The following PANK1 variants were observed in gnomAD, a reference collection of about 807,000 sequenced individuals.
PANK1 encodes the protein pantothenic acid kinase 1.
Under a neutral mutation model 40.1 loss-of-function variants are expected in PANK1, and 18 were observed. That is an observed-to-expected ratio of 0.45 (90% confidence interval 0.31 to 0.67). PANK1 has a LOEUF of 0.67. Among genes scored for constraint, PANK1 ranks in the 30% least tolerant of loss-of-function variants. PANK1 has a pLI of 0.06. For missense variants in PANK1, 457 were observed against 599.6 expected (o/e 0.76, Z 2.48); for synonymous variants, 242 against 237.7 (o/e 1.02, Z -0.17).
chr10:89,589,483 C>T (rs1318028995), intron 5 of PANK1, among the ~76,000 whole-genome samples: 1 of 152,130 alleles, frequency 6.6e-6, no homozygotes, highest in Non-Finnish European at 1.5e-5. Flanking sequence ...TCCCACTCCC[C>T]GAGATATTTC....
chr10:89,593,703 T>C (rs553343589), intron 4 of PANK1, 110 bp downstream of exon 4: 89 of 775,934 alleles, frequency 1.1e-4, no homozygotes, highest in Non-Finnish European at 1.9e-4. Context: ...ATACAACAGG[T>C]ATCTGCACCA....
At chr10:89,595,830 AAAAATATATATATAT>A (rs1411922608) in intron 3 of PANK1, among the ~76,000 whole-genome samples, 13 of 66,566 alleles carry the variant, frequency 2.0e-4, no homozygotes, top group East Asian at 6.4e-4. Context: ...AAAAAAAAAA[AAAAATATATATATAT>A]ATATATATAT....
intron 1 of PANK1, among the ~76,000 whole-genome samples, chr10:89,619,219 AT>A (rs1208062961): frequency 1.3e-5 from 2 of 152,250 alleles, no homozygotes; most frequent in Non-Finnish European, 2.9e-5. Flanking sequence ...TGGCAAAAAC[AT>A]TTTAAAACTT....
At chr10:89,631,161 G>A (rs1841630462) in intron 1 of PANK1, among the ~76,000 whole-genome samples, 1 of 152,192 alleles carries the variant, frequency 6.6e-6, no homozygotes, top group South Asian at 2.1e-4. Context: ...ATTAGAATAT[G>A]TTAAATGAGA....
intron 1 of PANK1, chr10:89,613,953 T>A (rs1314555793): frequency 2.2e-6 from 1 of 456,638 alleles, no homozygotes; most frequent in South Asian, 1.5e-5. Flanking sequence ...TTAATTTCCT[T>A]ATCTGTAAAA....
intron 1 of PANK1, among the ~76,000 whole-genome samples, chr10:89,639,680 C>CA (rs1841918215): frequency 6.6e-6 from 1 of 152,216 alleles, no homozygotes; most frequent in Non-Finnish European, 1.5e-5. Flanking sequence ...ACACTTGCTT[C>CA]ATGGAACCCA....
Position 89,584,275 on chromosome 10 carries a change from T to C in PANK1, c.*131A>G, listed in dbSNP as rs1844123982. On this transcript the variant is annotated 3_prime_UTR_variant, in exon 7 of 7. Coordinates refer to ENST00000307534, the MANE Select transcript of PANK1 (RefSeq NM_148977.3). ...AAAGATCATCTGGAAGGATTTTAAA[T>C]TATTTACAAATCCAGCAGGTTCATC... 3.1e-6 allele frequency: 2 copies of C among 642,706 alleles called. No homozygotes were observed. The allele number at this position is 642,706 out of a possible 1,614,324, so 39.8% of individuals were successfully genotyped here. A position where few individuals can be genotyped will look rare whatever the true frequency, so the allele number is the denominator to read the frequency against.
At chr10:89,643,122 G>C (rs1440268128) in intron 1 of PANK1, among the ~76,000 whole-genome samples, 1 of 152,152 alleles carries the variant, frequency 6.6e-6, no homozygotes, top group East Asian at 1.9e-4. Flanking sequence ...ATTAAACATA[G>C]AAGATTAAGC....
intron 1 of PANK1, among the ~76,000 whole-genome samples, chr10:89,631,987 T>TA (rs201819245): frequency 1.5e-4 from 23 of 150,700 alleles, no homozygotes; most frequent in South Asian, 2.1e-4. Context: ...TTTTTTTTTT[T>TA]AAAAAGGGTT....
chr10:89,601,238 G>A (rs377441365), intron 2 of PANK1, among the ~76,000 whole-genome samples: 24 of 150,536 alleles, frequency 1.6e-4, no homozygotes, highest in African/African-American at 2.7e-4. Context: ...ATTTTGGGGC[G>A]CCGAGGTGAG....
chr10:89,581,358 A>G (rs1486343751), downstream of PANK1: 1 of 152,230 alleles, frequency 6.6e-6, no homozygotes, highest in Non-Finnish European at 1.5e-5. Context: ...CTATATTTCC[A>G]CAATCCCTTT....
At chr10:89,638,160 G>C (rs1185855072) in intron 1 of PANK1, among the ~76,000 whole-genome samples, 1 of 152,204 alleles carries the variant, frequency 6.6e-6, no homozygotes, top group Non-Finnish European at 1.5e-5. Context: ...GCAACACATT[G>C]AGTTATGATG....
intron 1 of PANK1, among the ~76,000 whole-genome samples, chr10:89,638,595 A>G (rs187299498): frequency 1.3e-5 from 2 of 152,320 alleles, no homozygotes; most frequent in East Asian, 3.9e-4. Context: ...TCCTGTATGC[A>G]GTTAATATTT....
intron 1 of PANK1, among the ~76,000 whole-genome samples, chr10:89,636,727 A>G (rs1477309364): frequency 6.6e-6 from 1 of 151,564 alleles, no homozygotes; most frequent in Non-Finnish European, 1.5e-5. Context: ...CTGGGATTAC[A>G]GGCATGAGCC....
chr10:89,603,133 C>T (rs1844837863), intron 2 of PANK1, among the ~76,000 whole-genome samples: 1 of 152,160 alleles, frequency 6.6e-6, no homozygotes, highest in African/African-American at 2.4e-5. Flanking sequence ...CTAAGATATG[C>T]TGGTAAATGT....
chr10:89,639,708 A>G (rs1841918928), intron 1 of PANK1, among the ~76,000 whole-genome samples: 1 of 152,230 alleles, frequency 6.6e-6, no homozygotes, highest in African/African-American at 2.4e-5. Context: ...CCTGCCCAGC[A>G]AAGTCAAAAT....
chr10:89,591,795 T>G (rs1341933314), intron 5 of PANK1, among the ~76,000 whole-genome samples: 3 of 152,034 alleles, frequency 2.0e-5, no homozygotes, highest in African/African-American at 7.2e-5. Flanking sequence ...AAATCAAAAG[T>G]GAAAAGTAAA....
At chr10:89,587,079 C>T (rs932445019) in intron 6 of PANK1, among the ~76,000 whole-genome samples, 8 of 151,792 alleles carry the variant, frequency 5.3e-5, no homozygotes, top group South Asian at 2.1e-4. Context: ...GCCAAGATTG[C>T]GCCACTGCAC....
intron 2 of PANK1, among the ~76,000 whole-genome samples, chr10:89,601,786 TA>T (rs1564623090): frequency 6.6e-6 from 1 of 152,242 alleles, no homozygotes; most frequent in South Asian, 2.1e-4. Flanking sequence ...GAGATGTATG[TA>T]ATTATACATG....
Sources: gnomAD v4.1 joint callset for allele counts (sites outside exome capture counted in the v4.1 genomes callset) on GRCh38, gnomAD v4.1.1 for gene constraint, MANE v1.5 for transcripts, NCBI Gene and HGNC (gene_info 2026-07-23, HGNC 2026-07-21) for gene names.